SPATA6: variants seen among roughly 807,000 people sequenced by gnomAD.
The protein encoded by SPATA6 is spermatogenesis associated 6, also known as spermatogenesis-associated protein 6.
SPATA6 carries 56 observed loss-of-function variants against 65.3 expected under a neutral mutation model. That is an observed-to-expected ratio of 0.86 (90% CI 0.69 to 1.07). The LOEUF is 1.07. Among genes scored for constraint, SPATA6 ranks in the 50% least tolerant of loss-of-function variants. The probability of loss-of-function intolerance (pLI) is 0.00; values close to 1 mark genes in which losing one functional copy is unlikely to be tolerated. For synonymous variants in SPATA6, 199 were observed against 213.2 expected, an observed-to-expected ratio of 0.93 and a Z score of 0.58; for missense variants, 590 against 594.8, an observed-to-expected ratio of 0.99 and a Z score of 0.08.
intron 6 of SPATA6, among the ~76,000 whole-genome samples, chr1:48,403,558 T>TA (rs1408864873): frequency 6.6e-6 from 1 of 151,990 alleles, no homozygotes; most frequent in Non-Finnish European, 1.5e-5. Context: ...GTCCAAGAAG[T>TA]AAAAAAATAG....
intron 3 of SPATA6, among the ~76,000 whole-genome samples, chr1:48,423,100 T>C (rs1653503045): frequency 6.6e-6 from 1 of 152,110 alleles, no homozygotes; most frequent in Non-Finnish European, 1.5e-5. Context: ...TTCAAATAAA[T>C]ACCTATTACA....
chr1:48,447,704 T>C (rs966753074), intron 3 of SPATA6, among the ~76,000 whole-genome samples: 1 of 152,042 alleles, frequency 6.6e-6, no homozygotes, highest in African/African-American at 2.4e-5. Flanking sequence ...CAAATTATGT[T>C]CTCTCACCAC....
chr1:48,419,542 T>C (rs1400847560), intron 3 of SPATA6, among the ~76,000 whole-genome samples: 2 of 152,168 alleles, frequency 1.3e-5, no homozygotes, highest in Non-Finnish European at 2.9e-5. Flanking sequence ...AACAAGCTCC[T>C]AGAGATGGCA....
At chr1:48,278,642 A>C in the SPATA6 span, among the ~76,000 whole-genome samples, 97 of 152,316 alleles carry the variant, frequency 6.4e-4, no homozygotes, top group Admixed American at 1.4e-3. Context: ...AAAAAGAACA[A>C]AAAGAAATGA....
chr1:48,284,019 A>G, the SPATA6 span, among the ~76,000 whole-genome samples: 1 of 151,884 alleles, frequency 6.6e-6, no homozygotes, highest in Non-Finnish European at 1.5e-5. Context: ...TATCCTGAAG[A>G]GTGTTTTTCA....
At chr1:48,333,808 G>T (rs1345431860) in intron 11 of SPATA6, among the ~76,000 whole-genome samples, 1 of 152,098 alleles carries the variant, frequency 6.6e-6, no homozygotes, top group Non-Finnish European at 1.5e-5. Flanking sequence ...TGAACTGATG[G>T]AAACAGAGAC....
chr1:48,281,171 A>G, the SPATA6 span, among the ~76,000 whole-genome samples: 3,731 of 152,248 alleles, frequency 0.025, 95 homozygotes, highest in African/African-American at 0.067. Context: ...TTAAGTATTG[A>G]TGGGATGTAT....
chr1:48,284,083 G>T, the SPATA6 span, among the ~76,000 whole-genome samples: 1 of 151,436 alleles, frequency 6.6e-6, no homozygotes, highest in South Asian at 2.1e-4. Context: ...ATGTAGGTTT[G>T]GTCTTTTCAT....
At chr1:48,280,007 T>G in the SPATA6 span, among the ~76,000 whole-genome samples, 148 of 152,232 alleles carry the variant, frequency 9.7e-4, no homozygotes, top group Non-Finnish European at 1.5e-3. Context: ...GCAATCAAAC[T>G]AGAACTCAGG....
chr1:48,266,521 G>A, the SPATA6 span, among the ~76,000 whole-genome samples: 1 of 152,114 alleles, frequency 6.6e-6, no homozygotes, highest in Non-Finnish European at 1.5e-5. Flanking sequence ...GCTTGAAAAG[G>A]ATAATGGATG....
At chr1:48,300,033 G>A (rs1273356354) in intron 12 of SPATA6, among the ~76,000 whole-genome samples, 4 of 152,096 alleles carry the variant, frequency 2.6e-5, no homozygotes, top group African/African-American at 9.7e-5. Context: ...GAGAGAGAGC[G>A]AGCGCATGCA....
intron 1 of SPATA6, among the ~76,000 whole-genome samples, chr1:48,461,394 T>C (rs913958591): frequency 1.3e-5 from 2 of 152,236 alleles, no homozygotes; most frequent in Non-Finnish European, 2.9e-5. Context: ...TTTGGTGTTT[T>C]AGACATAAAG....
intron 3 of SPATA6, among the ~76,000 whole-genome samples, chr1:48,417,800 G>C (rs1652910595): frequency 6.6e-6 from 1 of 151,930 alleles, no homozygotes; most frequent in African/African-American, 2.4e-5. Flanking sequence ...CTCCAGCCTG[G>C]GCAACAGACA....
intron 11 of SPATA6, 120 bp downstream of exon 11, chr1:48,355,550 T>C (rs1646633659): frequency 3.0e-6 from 2 of 657,394 alleles, no homozygotes; most frequent in Non-Finnish European, 5.1e-6. Context: ...TTCCATCAAA[T>C]GGAGCTTGCT....
intron 3 of SPATA6, chr1:48,436,681 A>T: frequency 6.2e-7 from 1 of 1,614,176 alleles, no homozygotes; most frequent in East Asian, 2.2e-5. Flanking sequence ...AGAACTACTG[A>T]GACAGGATTT....
chr1:48,294,320 G>A (rs769916704), downstream of SPATA6, among the ~76,000 whole-genome samples: 44 of 152,170 alleles, frequency 2.9e-4, no homozygotes, highest in Non-Finnish European at 4.9e-4. Context: ...CAGATGATCC[G>A]TCCACCTCGG....
At position 48,309,161 on chromosome 1, in the gene SPATA6, T is replaced by G. The variant is rs565406226; in HGVS notation, c.1195-3283A>C. ...CCTTAGATAATAATTTTCTTCAATT[T>G]GGCAAGGACCATTATTTCTCCAAAT... On this transcript the variant is annotated intron_variant, in intron 11 of 12. Coordinates refer to ENST00000371847, the MANE Select transcript of SPATA6 (RefSeq NM_019073.4). 6.6e-5 allele frequency among the ~76,000 whole-genome samples: 10 copies of G among 152,314 alleles called. No individual in the cohort carries two copies. In the East Asian group the frequency reaches 1.9e-3, roughly 29 times the overall value.
chr1:48,371,576 T>C (rs2148860930), intron 9 of SPATA6, among the ~76,000 whole-genome samples: 1 of 152,264 alleles, frequency 6.6e-6, no homozygotes, highest in Admixed American at 6.5e-5. Flanking sequence ...CACTATATGG[T>C]AACACAGTTT....
chr1:48,296,006 C>G lies in SPATA6; in HGVS notation c.*2707G>C, dbSNP rs1441580394. On this transcript the variant is annotated 3_prime_UTR_variant, in exon 13 of 13. Coordinates refer to ENST00000371847, the MANE Select transcript of SPATA6 (RefSeq NM_019073.4). ...AGTAGAACCAAGGAAGAGTCTCATT[C>G]CAATGATTCATCTTTATTTGTCGAT... 6.6e-6 allele frequency: 1 copy of G among 151,574 alleles called. No individual in the cohort carries two copies. The highest frequency in any genetic ancestry group is 1.5e-5 in the Non-Finnish European group (1 of 67,960). 9.4% of individuals were successfully genotyped at this position (151,574 alleles called of 1,614,324 possible).
Sources: gnomAD v4.1 joint callset for allele counts (sites outside exome capture counted in the v4.1 genomes callset) on GRCh38, gnomAD v4.1.1 for gene constraint, MANE v1.5 for transcripts, NCBI Gene and HGNC (gene_info 2026-07-23, HGNC 2026-07-21) for gene names.